Variants in PCDHA5 observed in about 807,000 individuals in gnomAD.
The protein encoded by PCDHA5 is protocadherin alpha-5.
Under a neutral mutation model 61.6 loss-of-function variants are expected in PCDHA5, and 43 were observed. The ratio of observed to expected loss-of-function variants is 0.70; its 90% CI spans 0.55 to 0.90. PCDHA5 has a LOEUF of 0.90. PCDHA5 is among the 40% of genes least tolerant of loss of function. The pLI is 0.00. For synonymous variants in PCDHA5, 627 were observed against 543.9 expected (o/e 1.15, Z -2.13); for missense variants, 1,298 against 1,222.7 (o/e 1.06, Z -0.92).
intron 1 of PCDHA5, among the ~76,000 whole-genome samples, chr5:140,956,370 A>G (rs1229960310): frequency 6.6e-6 from 1 of 152,152 alleles, no homozygotes; most frequent in East Asian, 1.9e-4. Context: ...GGGATGTTGA[A>G]TTTTATCGAA....
chr5:140,828,704 G>A (rs2150158084), intron 1 of PCDHA5: 1 of 1,614,238 alleles, frequency 6.2e-7, no homozygotes, highest in South Asian at 1.1e-5. Flanking sequence ...CAGAGAGGAA[G>A]CTCCTGCACA....
intron 1 of PCDHA5, among the ~76,000 whole-genome samples, chr5:140,845,170 T>C (rs1779731590): frequency 6.7e-6 from 1 of 149,622 alleles, no homozygotes; most frequent in Non-Finnish European, 1.5e-5. Context: ...ATTGTTTTCA[T>C]TTTAGTCCTT....
Position 140,849,909 on chromosome 5 carries a change from T to A in PCDHA5, c.2352+25782T>A. ...CGTGAAGGAGAACAACCCGCCGGGC[T>A]GCCACATCTTCACGGTGTCTGCGCG... On this transcript the variant is annotated intron_variant, in intron 1 of 3. Coordinates refer to ENST00000529859, the MANE Select transcript of PCDHA5 (RefSeq NM_018908.3). The A allele has an allele frequency of 3.8e-6, 6 of 1,598,300 alleles. 2 individuals carry two copies. The highest frequency in any genetic ancestry group is 5.1e-6 in the Non-Finnish European group (6 of 1,167,786).
intron 1 of PCDHA5, among the ~76,000 whole-genome samples, chr5:140,924,894 CAAAA>C (rs782133089): frequency 1.1e-4 from 8 of 71,470 alleles, no homozygotes; most frequent in African/African-American, 3.4e-4. Flanking sequence ...GAACCTGTCT[CAAAA>C]AAAAAAATAA....
At chr5:140,879,026 A>G (rs1381722750) in intron 1 of PCDHA5, among the ~76,000 whole-genome samples, 2 of 152,234 alleles carry the variant, frequency 1.3e-5, no homozygotes, top group Non-Finnish European at 2.9e-5. Context: ...GTTTTATTGA[A>G]GAGTGTCTTG....
At chr5:140,968,849 G>A in intron 1 of PCDHA5, 1 of 1,614,206 alleles carries the variant, frequency 6.2e-7, no homozygotes, top group East Asian at 2.2e-5. Context: ...TCAGAGGCAT[G>A]TTAAGAGCCC....
intron 1 of PCDHA5, chr5:140,928,279 TCTCTAGGC>T: frequency 6.2e-7 from 1 of 1,614,144 alleles, no homozygotes; most frequent in Non-Finnish European, 8.5e-7. Flanking sequence ...CCCTGGGGCC[TCTCTAGGC>T]CGAGTGTTTG....
chr5:140,901,549 A>T (rs1554189886), intron 1 of PCDHA5, among the ~76,000 whole-genome samples: 1 of 152,052 alleles, frequency 6.6e-6, no homozygotes, highest in Non-Finnish European at 1.5e-5. Context: ...ATTCTGTTCC[A>T]TTCATCTATG....
At chr5:140,995,570 A>G (rs186345842) in intron 3 of PCDHA5, among the ~76,000 whole-genome samples, 1 of 152,210 alleles carries the variant, frequency 6.6e-6, no homozygotes, top group African/African-American at 2.4e-5. Flanking sequence ...ATATGTCAAG[A>G]TGAGCTATGA....
intron 1 of PCDHA5, chr5:140,866,095 A>G (rs1475761817): frequency 6.6e-6 from 1 of 152,152 alleles, no homozygotes; most frequent in East Asian, 1.9e-4. Flanking sequence ...TGTAATTGTT[A>G]AGTAATTAAG....
At chr5:140,887,135 C>T (rs2061323683) in intron 1 of PCDHA5, among the ~76,000 whole-genome samples, 1 of 150,802 alleles carries the variant, frequency 6.6e-6, no homozygotes, top group Non-Finnish European at 1.5e-5. Context: ...CTCACTCTGT[C>T]GCCCAGGCTG....
At chr5:140,826,255 T>A (rs1554130509) in intron 1 of PCDHA5, among the ~76,000 whole-genome samples, 2 of 152,222 alleles carry the variant, frequency 1.3e-5, no homozygotes, top group African/African-American at 4.8e-5. Flanking sequence ...TCTTTATATA[T>A]CAAGTCTTTA....
At chr5:140,971,510 A>G (rs1166115283) in intron 1 of PCDHA5, among the ~76,000 whole-genome samples, 3 of 152,152 alleles carry the variant, frequency 2.0e-5, no homozygotes, top group Non-Finnish European at 2.9e-5. Flanking sequence ...TAGGAGCAAA[A>G]GCCACTCAGT....
chr5:140,895,668 T>C (rs2065102216), intron 1 of PCDHA5, among the ~76,000 whole-genome samples: 1 of 152,170 alleles, frequency 6.6e-6, no homozygotes, highest in South Asian at 2.1e-4. Flanking sequence ...TGAGAACATG[T>C]AGTATTTGGT....
intron 3 of PCDHA5, among the ~76,000 whole-genome samples, chr5:140,998,540 T>TA (rs1304307081): frequency 6.6e-6 from 1 of 151,542 alleles, no homozygotes; most frequent in African/African-American, 2.4e-5. Context: ...CCCTAATTCC[T>TA]AATTTAATGT....
intron 1 of PCDHA5, among the ~76,000 whole-genome samples, chr5:140,919,978 A>C (rs993704497): frequency 7.5e-6 from 1 of 134,032 alleles, no homozygotes; most frequent in Non-Finnish European, 1.7e-5. Flanking sequence ...AAGAGATAGA[A>C]GATGGAAAAC....
chr5:140,928,998 CGT>C, intron 1 of PCDHA5: 1 of 1,613,902 alleles, frequency 6.2e-7, no homozygotes. Flanking sequence ...TACTTTTCTT[CGT>C]GTGTACCAAG....
At chr5:140,916,688 C>G (rs1422583302) in intron 1 of PCDHA5, among the ~76,000 whole-genome samples, 3 of 152,180 alleles carry the variant, frequency 2.0e-5, no homozygotes, top group Admixed American at 6.5e-5. Flanking sequence ...TTACTCTTTT[C>G]TCTCCTCTCC....
intron 1 of PCDHA5, among the ~76,000 whole-genome samples, chr5:140,950,294 C>T (rs1396440202): frequency 6.6e-6 from 1 of 151,970 alleles, no homozygotes; most frequent in African/African-American, 2.4e-5. Context: ...ACCTGAAAAA[C>T]TTTACTTAGC....
Sources: gnomAD v4.1 joint callset for allele counts (sites outside exome capture counted in the v4.1 genomes callset) on GRCh38, gnomAD v4.1.1 for gene constraint, MANE v1.5 for transcripts, NCBI Gene and HGNC (gene_info 2026-07-23, HGNC 2026-07-21) for gene names.